TMEM245: variants seen among roughly 807,000 people sequenced by gnomAD.
TMEM245 encodes transmembrane protein 245.
In TMEM245, 69 loss-of-function variants were observed where a neutral mutation model predicts 101.2. The ratio of observed to expected loss-of-function variants is 0.68; its 90% CI spans 0.56 to 0.83. TMEM245 has a LOEUF of 0.83. Ranked by LOEUF, TMEM245 falls within the 40% of genes least tolerant of loss-of-function variation. The pLI is 0.00. For synonymous variants in TMEM245, 537 were observed against 449.8 expected (o/e 1.19, Z -2.45); for missense variants, 1,075 against 1,092.8 (o/e 0.98, Z 0.23).
In TMEM245 at chr9:109,016,399, A is replaced by G. The variant is rs1182096038; in HGVS notation, c.*4061T>C. On this transcript the variant is annotated 3_prime_UTR_variant, in exon 18 of 18. Coordinates refer to ENST00000374586, the MANE Select transcript of TMEM245 (RefSeq NM_032012.4). ...TGCTCAACCATGAAGAAAAGGAAAG[A>G]GAAGTAGAACAACGGACTGACAGAA... 1.3e-5 allele frequency: 2 copies of G among 151,952 alleles called. No individual in the cohort carries two copies. Among genetic ancestry groups the G allele is most frequent in the Non-Finnish European group, 2.9e-5 (2 of 68,004 alleles). The allele number at this position is 151,952 out of a possible 1,614,324, so 9.4% of individuals were successfully genotyped here.
chr9:109,051,341 T>C (rs1038794629), intron 12 of TMEM245, among the ~76,000 whole-genome samples: 17 of 90,592 alleles, frequency 1.9e-4, no homozygotes, highest in African/African-American at 4.3e-4. Context: ...CACACACACA[T>C]CATTGTAGAT....
At chr9:109,042,781 A>G (rs957230330) in intron 14 of TMEM245, among the ~76,000 whole-genome samples, 5 of 151,920 alleles carry the variant, frequency 3.3e-5, no homozygotes, top group African/African-American at 1.2e-4. Context: ...CCCTCTTATA[A>G]GAACTTTTTT....
intron 3 of TMEM245, among the ~76,000 whole-genome samples, chr9:109,105,163 A>T (rs1241436568): frequency 6.6e-6 from 1 of 152,232 alleles, no homozygotes; most frequent in East Asian, 1.9e-4. Flanking sequence ...ACAAAAAGGC[A>T]AACAATTTAA....
At chr9:109,073,837 GAACT>G (rs1206113722) in intron 8 of TMEM245, among the ~76,000 whole-genome samples, 51 of 148,674 alleles carry the variant, frequency 3.4e-4, no homozygotes, top group African/African-American at 6.7e-4. Flanking sequence ...GGCAAATAAG[GAACT>G]AACTTTTTTT....
chr9:109,117,810 T>G (rs780876527), intron 1 of TMEM245, among the ~76,000 whole-genome samples: 2 of 152,268 alleles, frequency 1.3e-5, no homozygotes, highest in African/African-American at 4.8e-5. Context: ...GCAGAATCTA[T>G]AAATGTGTCT....
rs1828191949 is a variant in TMEM245, at chr9:109,038,075, T to C, written c.2166A>G (p.Gly722=). The change falls in exon 15 of 18, where the codon GGA becomes GGG. Residue 722 remains glycine, a synonymous_variant. Coordinates refer to ENST00000374586, the MANE Select transcript of TMEM245 (RefSeq NM_032012.4). ...TAGTATGAGTCAGCCAGGTATACAA[T>C]CCATAGAAGCCAGCCATTTTGAGGG... ...DASLKMAGFY[G]LYTWLTHTMF... is the part of the protein sequence containing the mutation. 3 of 1,613,208 alleles carry C rather than the reference T, an allele frequency of 1.9e-6. No homozygotes were observed. Among genetic ancestry groups the C allele is most frequent in the South Asian group, 1.1e-5 (1 of 90,970 alleles).
At chr9:109,083,372 A>G (rs1222497076) in intron 7 of TMEM245, among the ~76,000 whole-genome samples, 1 of 152,222 alleles carries the variant, frequency 6.6e-6, no homozygotes, top group Non-Finnish European at 1.5e-5. Context: ...TGCTTTGGGC[A>G]AAGGAACCCA....
chr9:109,063,664 A>T (rs190747751), intron 10 of TMEM245, among the ~76,000 whole-genome samples: 1 of 152,256 alleles, frequency 6.6e-6, no homozygotes, highest in African/African-American at 2.4e-5. Context: ...GGTGGAATCT[A>T]ATCCTTAACT....
At chr9:109,093,070 A>G (rs1830050542) in intron 4 of TMEM245, among the ~76,000 whole-genome samples, 4 of 152,234 alleles carry the variant, frequency 2.6e-5, no homozygotes. Context: ...ATCATGGAGG[A>G]GAACTGACAG....
intron 1 of TMEM245, among the ~76,000 whole-genome samples, chr9:109,112,342 A>C (rs1311282632): frequency 6.6e-6 from 1 of 152,026 alleles, no homozygotes; most frequent in Non-Finnish European, 1.5e-5. Flanking sequence ...GGAGTTCGAG[A>C]CCAGCCTGGC....
At chr9:109,098,908 C>A (rs553016772) in intron 3 of TMEM245, among the ~76,000 whole-genome samples, 1 of 152,162 alleles carries the variant, frequency 6.6e-6, no homozygotes, top group Admixed American at 6.5e-5. Flanking sequence ...AAAGAGACCA[C>A]AGGTCAGACA....
At chr9:109,020,631 G>A (rs1827592628) in intron 17 of TMEM245, 126 bp from the exon 18 acceptor site, 1 of 834,328 alleles carries the variant, frequency 1.2e-6, no homozygotes, top group Non-Finnish European at 1.9e-6. Context: ...ATTGAGTATT[G>A]TTTCAAAGTC....
At chr9:109,088,175 G>T (rs1166810735) in intron 5 of TMEM245, among the ~76,000 whole-genome samples, 1 of 152,180 alleles carries the variant, frequency 6.6e-6, no homozygotes, top group Non-Finnish European at 1.5e-5. Flanking sequence ...AGAGATTTGT[G>T]TTCTTAGCTC....
At position 109,050,791 on chromosome 9, in the gene TMEM245, A is replaced by T. The variant is rs1828654374; in HGVS notation, c.1855-99T>A. The T allele has an allele frequency of 2.3e-6, 3 of 1,326,054 alleles. No homozygotes were observed. The Admixed American group carries it at 7.0e-5, about 31-fold the overall frequency. 82.1% of individuals were successfully genotyped at this position (1,326,054 alleles called of 1,614,324 possible). On this transcript the variant is annotated intron_variant, in intron 12 of 17. Transcript: ENST00000374586. ...TTAATACAGTGTTTTAGTACCATGA[A>T]CTGAAAAGCTAAGAACTGAGGATTA...
At chr9:109,047,384 C>A (rs1451051850) in intron 14 of TMEM245, among the ~76,000 whole-genome samples, 1 of 152,174 alleles carries the variant, frequency 6.6e-6, no homozygotes, top group East Asian at 1.9e-4. Context: ...CTCAAATTCT[C>A]TCCTGAGCCA....
At chr9:109,057,596 C>T (rs1828878206) in intron 11 of TMEM245, among the ~76,000 whole-genome samples, 1 of 151,932 alleles carries the variant, frequency 6.6e-6, no homozygotes, top group Non-Finnish European at 1.5e-5. Flanking sequence ...ACTAAAAATA[C>T]AAAAATTAGC....
At chr9:109,044,402 A>G (rs1828410418) in intron 14 of TMEM245, among the ~76,000 whole-genome samples, 1 of 152,184 alleles carries the variant, frequency 6.6e-6, no homozygotes, top group African/African-American at 2.4e-5. Flanking sequence ...TTACCTGTCT[A>G]AGGAAGAAGA....
At position 109,018,601 on chromosome 9, in the gene TMEM245, A is replaced by G. The variant is rs1351420699; in HGVS notation, c.*1859T>C. The G allele has an allele frequency of 6.6e-6, 1 of 152,232 alleles. No individual in the cohort carries two copies. Among genetic ancestry groups the G allele is most frequent in the Non-Finnish European group, 1.5e-5 (1 of 68,046 alleles). 9.4% of individuals were successfully genotyped at this position (152,232 alleles called of 1,614,324 possible). On this transcript the variant is annotated 3_prime_UTR_variant, in exon 18 of 18. Transcript: ENST00000374586. ...TTTCTAAATGAAATTTTTCTTAAGT[A>G]GTGTAAGAATAAATTTAAACTAATT... is the stretch of plus-strand genomic sequence containing the variant.
chr9:109,103,905 G>T (rs1394989611), intron 3 of TMEM245, among the ~76,000 whole-genome samples: 1 of 151,812 alleles, frequency 6.6e-6, no homozygotes, highest in African/African-American at 2.4e-5. Flanking sequence ...GGCCAACATG[G>T]TGAAACCCCA....
Sources: allele counts gnomAD v4.1 joint callset (sites outside exome capture counted in the v4.1 genomes callset), GRCh38; gene constraint gnomAD v4.1.1; transcripts MANE v1.5; gene names NCBI Gene and HGNC (gene_info 2026-07-23, HGNC 2026-07-21).